Variants in CREBBP observed in about 807,000 individuals in gnomAD.
The protein encoded by CREBBP is CREB binding lysine acetyltransferase, also known as CREB-binding protein.
A neutral mutation model predicts 265.0 loss-of-function variants in CREBBP; 19 were observed. The ratio of observed to expected loss-of-function variants is 0.07; its 90% CI spans 0.05 to 0.11. The LOEUF (loss-of-function observed/expected upper bound fraction) is 0.11, where lower values mean the gene tolerates loss of function less well. Among genes scored for constraint, CREBBP ranks in the 10% least tolerant of loss-of-function variants. CREBBP has a pLI of 1.00. For missense variants in CREBBP, 2,525 were observed against 3,219.0 expected, an observed-to-expected ratio of 0.78 and a Z score of 5.22; for synonymous variants, 1,457 against 1,223.7, an observed-to-expected ratio of 1.19 and a Z score of -3.98.
chr16:3,851,282 C>A (rs2054829147), intron 1 of CREBBP, among the ~76,000 whole-genome samples: 1 of 120,644 alleles, frequency 8.3e-6, no homozygotes, highest in African/African-American at 3.3e-5. Flanking sequence ...GACCGAAACA[C>A]CGTCTCAAAA....
At chr16:3,780,709 G>A (rs762667368) in intron 8 of CREBBP, 23 bp downstream of exon 8, 2 of 1,613,220 alleles carry the variant, frequency 1.2e-6, no homozygotes, top group South Asian at 2.2e-5. Flanking sequence ...AAACATCTAT[G>A]AAACTGCAAA....
chr16:3,818,067 C>A (rs530778774), intron 2 of CREBBP, among the ~76,000 whole-genome samples: 3 of 152,208 alleles, frequency 2.0e-5, no homozygotes, highest in African/African-American at 7.2e-5. Context: ...CTCCGACAAA[C>A]AAACTCCCCC....
At chr16:3,815,970 G>C (rs1276090606) in intron 2 of CREBBP, among the ~76,000 whole-genome samples, 1 of 151,974 alleles carries the variant, frequency 6.6e-6, no homozygotes, top group African/African-American at 2.4e-5. Flanking sequence ...CAACTGTTCA[G>C]TTAATAGTAA....
At chr16:3,813,444 A>C (rs956124560) in intron 2 of CREBBP, among the ~76,000 whole-genome samples, 2 of 152,246 alleles carry the variant, frequency 1.3e-5, no homozygotes, top group Non-Finnish European at 2.9e-5. Context: ...TAATTGAAGC[A>C]GGAATTTATA....
intron 1 of CREBBP, among the ~76,000 whole-genome samples, chr16:3,854,271 T>C (rs1378472137): frequency 6.6e-6 from 1 of 152,190 alleles, no homozygotes; most frequent in Non-Finnish European, 1.5e-5. Flanking sequence ...CTCACAGCAA[T>C]GGATGCTCAG....
rs961843314 is a variant in CREBBP at position 3,725,901 on chromosome 16, G to A, written c.*1817C>T. 1.7e-5 allele frequency: 4 copies of A among 233,046 alleles called. No homozygotes were observed. The highest frequency in any genetic ancestry group is 1.7e-4 in the Admixed American group (3 of 17,768). The allele number at this position is 233,046 out of a possible 1,614,324, so 14.4% of individuals were successfully genotyped here. ...TAAAGTGGGTTCTCTGGGTGCTGGG[G>A]GTGGTAGACTTAGGGGATGAACTTC... On this transcript the variant is annotated 3_prime_UTR_variant, in exon 31 of 31. Coordinates refer to ENST00000262367, the MANE Select transcript of CREBBP (RefSeq NM_004380.3).
In CREBBP at chr16:3,767,781, T is replaced by C; in HGVS notation, c.3189A>G (p.Glu1063=). The change falls in exon 16 of 31, where the codon GAA becomes GAG. Residue 1063 remains glutamate, a synonymous_variant. Coordinates refer to ENST00000262367, the MANE Select transcript of CREBBP (RefSeq NM_004380.3). ...AGGCTGTGCCGTTACTGCTACTCTC[T>C]TCTTCCTCTTTAACTTCTACTTTCA... ...PEVKVEVKEE[E]ESSSNGTASQ... is the part of the protein sequence containing the mutation. The C allele has an allele frequency of 6.2e-7, 1 of 1,614,234 alleles. No individual in the cohort carries two copies. The highest frequency in any genetic ancestry group is 8.5e-7 in the Non-Finnish European group (1 of 1,180,032).
At chr16:3,810,178 G>A (rs374304906) in intron 3 of CREBBP, among the ~76,000 whole-genome samples, 8 of 152,276 alleles carry the variant, frequency 5.3e-5, no homozygotes, top group African/African-American at 1.9e-4. Flanking sequence ...GACGTAATAT[G>A]CATCTCATCA....
In CREBBP at chr16:3,879,760, C is replaced by T. The variant is rs1459850615; in HGVS notation, c.85+72G>A. On this transcript the variant is annotated intron_variant, in intron 1 of 30. Coordinates refer to ENST00000262367, the MANE Select transcript of CREBBP (RefSeq NM_004380.3). ...CTCGATCGGTATCCGCGACCACGAC[C>T]CCCGGACGCTCTCTTTCAGGTGGGG... The T allele has an allele frequency of 6.8e-6, 10 of 1,477,074 alleles. No homozygotes were observed. In the Admixed American group the frequency reaches 2.0e-4, roughly 29 times the overall value. 91.5% of individuals were successfully genotyped at this position (1,477,074 alleles called of 1,614,324 possible).
chr16:3,746,538 A>T (rs557796327), intron 21 of CREBBP, among the ~76,000 whole-genome samples: 20 of 152,200 alleles, frequency 1.3e-4, no homozygotes, highest in African/African-American at 4.6e-4. Context: ...GCTCATCCCC[A>T]ACGCTAAGAA....
At chr16:3,739,860 A>G in intron 24 of CREBBP, 136 bp from the exon 25 acceptor site, 2 of 1,236,372 alleles carry the variant, frequency 1.6e-6, no homozygotes, top group Non-Finnish European at 2.3e-6. Flanking sequence ...CGTGGCCTGG[A>G]GTCCTCCCTA....
intron 19 of CREBBP, among the ~76,000 whole-genome samples, 186 bp downstream of exon 19, chr16:3,757,102 G>A: frequency 6.6e-6 from 1 of 151,992 alleles, no homozygotes; most frequent in South Asian, 2.1e-4. Flanking sequence ...CATAACTCCT[G>A]GGCTCAAGTG....
chr16:3,827,612 C>T (rs1320982470), intron 2 of CREBBP, among the ~76,000 whole-genome samples: 2 of 152,084 alleles, frequency 1.3e-5, no homozygotes, highest in Admixed American at 6.6e-5. Context: ...AGGATAGTCT[C>T]GATCTCCTGA....
intron 23 of CREBBP, chr16:3,741,042 CT>C (rs35512677): frequency 0.11 from 24,706 of 229,074 alleles, 4,123 homozygotes; most frequent in African/African-American, 0.41. Flanking sequence ...GCCTCAGGAG[CT>C]GGCAAAGTAT....
At chr16:3,773,986 T>C (rs2141217646) in intron 12 of CREBBP, 56 bp from the exon 13 acceptor site, 16 of 1,590,010 alleles carry the variant, frequency 1.0e-5, no homozygotes, top group Non-Finnish European at 1.4e-5. Context: ...GGCCAGAGTT[T>C]TCAAGGTGAG....
intron 2 of CREBBP, among the ~76,000 whole-genome samples, chr16:3,842,967 C>CAAAAAAAAAAAA (rs59990532): frequency 1.8e-4 from 12 of 65,214 alleles, no homozygotes; most frequent in African/African-American, 5.7e-4. Context: ...ACTCCCATCT[C>CAAAAAAAAAAAA]AAAAAAAAAA....
At chr16:3,857,017 G>C (rs2054977952) in intron 1 of CREBBP, among the ~76,000 whole-genome samples, 1 of 152,104 alleles carries the variant, frequency 6.6e-6, no homozygotes, top group Non-Finnish European at 1.5e-5. Flanking sequence ...GCATCCTTAG[G>C]CAAACTGCTT....
chr16:3,729,342 G>T lies in CREBBP; in HGVS notation c.5705C>A (p.Thr1902Lys). The change falls in exon 31 of 31, where the codon ACG becomes AAG. Residue 1902 changes from threonine to lysine, a missense_variant. Thr to Lys is a moderately conservative substitution (Grantham distance 78). This residue lies in a region of CREBBP where 275 missense variants were observed against 276.5 expected (regional missense o/e 0.99). Transcript: ENST00000262367. ...TTGGGGCTGGGCAGGGGGCTGCGGC[G>T]TCTGGGGTGTGCTGGGCTGCTGTGT... Reference protein sequence around the residue: ...TPTQQPSTPQTPQPPAQPQPS... With the variant: ...TPTQQPSTPQKPQPPAQPQPS... The T allele has an allele frequency of 6.3e-7, 1 of 1,594,264 alleles. No individual in the cohort carries two copies. Among genetic ancestry groups the T allele is most frequent in the Non-Finnish European group, 8.5e-7 (1 of 1,174,488 alleles).
At chr16:3,833,093 G>C (rs1391461846) in intron 2 of CREBBP, among the ~76,000 whole-genome samples, 2 of 152,156 alleles carry the variant, frequency 1.3e-5, no homozygotes, top group African/African-American at 4.8e-5. Context: ...ATAAGACAAG[G>C]GAAGAACACT....
Sources: gnomAD v4.1 joint callset for allele counts (sites outside exome capture counted in the v4.1 genomes callset) on GRCh38, gnomAD v4.1.1 for gene constraint, gnomAD v4.1.1 regional missense constraint, MANE v1.5 for transcripts, NCBI Gene and HGNC (gene_info 2026-07-23, HGNC 2026-07-21) for gene names.